Variants in VSTM5 observed in about 807,000 individuals in gnomAD.
The protein encoded by VSTM5 is V-set and transmembrane domain-containing protein 5.
VSTM5 carries 21 observed loss-of-function variants against 20.3 expected under a neutral mutation model. The ratio of observed to expected loss-of-function variants is 1.03; its 90% CI spans 0.73 to 1.49. VSTM5 has a LOEUF of 1.49. VSTM5 is among the 40% of genes most tolerant of loss of function. The pLI is 0.00. For missense variants in VSTM5, 219 were observed against 250.0 expected (o/e 0.88, Z 0.84); for synonymous variants, 100 against 102.5 (o/e 0.98, Z 0.14).
Position 93,850,439 on chromosome 11 carries a change from A to G in VSTM5, c.64T>C (p.Cys22Arg), listed in dbSNP as rs747394481. Residue 22 changes from cysteine to arginine, a missense_variant, in exon 1 of 4, where the codon TGC (cysteine) becomes CGC (arginine). By Grantham distance (180) the Cys-to-Arg change is radical. Coordinates refer to ENST00000409977, the MANE Select transcript of VSTM5 (RefSeq NM_001144871.2). ...TGCAGACAGCGGGCTGCGGCCAGGCAGAGGGCGAAGAGTCCTAGGGAGATG... is the reference window on the plus strand; with the variant it reads ...TGCAGACAGCGGGCTGCGGCCAGGCGGAGGGCGAAGAGTCCTAGGGAGATG... ...RGISLGLFALCLAAARCLQSQ... is the reference protein window; with the variant it reads ...RGISLGLFALRLAAARCLQSQ... 3 of 1,547,244 alleles carry G rather than the reference A, an allele frequency of 1.9e-6. No homozygotes were observed. Among genetic ancestry groups the G allele is most frequent in the Non-Finnish European group, 2.6e-6 (3 of 1,145,022 alleles).
At chr11:93,850,148 G>A (rs2135742868) in intron 1 of VSTM5, among the ~76,000 whole-genome samples, 1 of 152,270 alleles carries the variant, frequency 6.6e-6, no homozygotes, top group Admixed American at 6.5e-5. Context: ...CGGGTGGGGC[G>A]GGCGCCCCGA....
intron 1 of VSTM5, among the ~76,000 whole-genome samples, chr11:93,826,612 G>A (rs1001122621): frequency 1.3e-5 from 2 of 151,934 alleles, no homozygotes; most frequent in African/African-American, 2.4e-5. Context: ...TGTTAGCCAG[G>A]ATGGTCTCGA....
At chr11:93,829,039 T>C (rs687507) in intron 1 of VSTM5, among the ~76,000 whole-genome samples, 122,476 of 152,078 alleles carry the variant, frequency 0.81, 50,206 homozygotes, top group Admixed American at 0.9. Flanking sequence ...CATGTAAGGC[T>C]CAGCAACAGG....
At chr11:93,845,542 G>A (rs754227912) in intron 1 of VSTM5, among the ~76,000 whole-genome samples, 11 of 152,148 alleles carry the variant, frequency 7.2e-5, no homozygotes, top group Non-Finnish European at 8.8e-5. Context: ...TAGGAGGGGC[G>A]AGTCGTTTCC....
chr11:93,830,563 C>G (rs1944274035), intron 1 of VSTM5, among the ~76,000 whole-genome samples: 1 of 152,320 alleles, frequency 6.6e-6, no homozygotes, highest in South Asian at 2.1e-4. Flanking sequence ...CATGAATGAA[C>G]AAATGGTGAC....
In VSTM5 at chr11:93,821,150, T is replaced by C. The variant is rs1481395568; in HGVS notation, c.265A>G (p.Ile89Val). The change falls in exon 2 of 4, where the codon ATC becomes GTC. Residue 89 changes from isoleucine (I) to valine (V), a missense_variant. Physicochemically the swap from Ile to Val is conservative, Grantham distance 29. Coordinates refer to ENST00000409977, the MANE Select transcript of VSTM5 (RefSeq NM_001144871.2). ...ACTCTGTCCTTGTGGCTTTGAGAGA[T>C]GTTGGCCTGAGTCCCTGGTTTCCAC... ...VEWKPGTQANISQSHKDRVCT... is the reference protein window; with the variant it reads ...VEWKPGTQANVSQSHKDRVCT... 3.9e-6 allele frequency: 6 copies of C among 1,552,202 alleles called. No individual in the cohort carries two copies. Among genetic ancestry groups the C allele is most frequent in the East Asian group, 4.9e-5 (2 of 40,910 alleles).
chr11:93,832,839 A>G (rs1360010118), intron 1 of VSTM5, among the ~76,000 whole-genome samples: 2 of 152,214 alleles, frequency 1.3e-5, no homozygotes, highest in African/African-American at 4.8e-5. Flanking sequence ...CTGGAACCCA[A>G]GTCTCTTTTC....
At chr11:93,850,373 C>G in intron 1 of VSTM5, 39 bp downstream of exon 1, 1 of 1,494,516 alleles carries the variant, frequency 6.7e-7, no homozygotes, top group Non-Finnish European at 9.1e-7. Context: ...CCTACCCATT[C>G]CCGCTCCCCC....
At chr11:93,821,466 C>T (rs1388089520) in intron 1 of VSTM5, 143 bp from the exon 2 acceptor site, 11 of 792,188 alleles carry the variant, frequency 1.4e-5, no homozygotes, top group South Asian at 3.7e-5. Flanking sequence ...GGTGCTTAAG[C>T]GATAATGCTG....
chr11:93,820,931 A>G (rs1944177351), intron 2 of VSTM5, 48 bp from the exon 3 acceptor site: 2 of 1,550,910 alleles, frequency 1.3e-6, no homozygotes, highest in East Asian at 2.4e-5. Context: ...TTCTTTTAAT[A>G]TCGTGAAATT....
intron 1 of VSTM5, among the ~76,000 whole-genome samples, chr11:93,845,574 C>CA: frequency 6.6e-6 from 1 of 152,322 alleles, no homozygotes. Flanking sequence ...TGTCAATCCC[C>CA]ATCCCTCCCA....
rs185250953 is a variant in VSTM5 at position 93,847,686 on chromosome 11, G to C, written c.91+2726C>G. On this transcript the variant is annotated intron_variant, in intron 1 of 3. Transcript: ENST00000409977. ...GTGAGCCTGATGGCTAATGTACTGG[G>C]AAAGGACATGAACAAATGTTCTAGA... is the stretch of plus-strand genomic sequence containing the variant. Among the ~76,000 whole-genome samples, 3 of 152,342 alleles carry C rather than the reference G, an allele frequency of 2.0e-5. No homozygotes were observed. In the East Asian group the frequency reaches 5.8e-4, roughly 29 times the overall value.
chr11:93,847,374 C>T (rs942043999), intron 1 of VSTM5, among the ~76,000 whole-genome samples: 10 of 152,126 alleles, frequency 6.6e-5, no homozygotes, highest in African/African-American at 2.4e-4. Context: ...TCCCATCCGC[C>T]CCCACCTTCC....
chr11:93,836,898 AC>A (rs974789475), intron 1 of VSTM5, among the ~76,000 whole-genome samples: 2 of 151,900 alleles, frequency 1.3e-5, no homozygotes, highest in Non-Finnish European at 2.9e-5. Context: ...GGGGTACAGA[AC>A]CCAGGACTAT....
At chr11:93,848,835 T>G (rs1327385812) in intron 1 of VSTM5, among the ~76,000 whole-genome samples, 2 of 152,214 alleles carry the variant, frequency 1.3e-5, no homozygotes, top group Non-Finnish European at 2.9e-5. Context: ...AAATGGCTGG[T>G]CCCTGAGCAT....
intron 1 of VSTM5, among the ~76,000 whole-genome samples, chr11:93,829,841 G>A (rs1944267462): frequency 6.6e-6 from 1 of 152,198 alleles, no homozygotes; most frequent in African/African-American, 2.4e-5. Flanking sequence ...GTTCCCTGAG[G>A]TTAGGTAATT....
intron 1 of VSTM5, among the ~76,000 whole-genome samples, chr11:93,830,943 A>C (rs1944278289): frequency 6.6e-6 from 1 of 151,624 alleles, no homozygotes; most frequent in African/African-American, 2.4e-5. Flanking sequence ...TTTTTTGTAG[A>C]GATGGGGTTT....
At chr11:93,831,875 G>A (rs377166275) in intron 1 of VSTM5, among the ~76,000 whole-genome samples, 1 of 152,204 alleles carries the variant, frequency 6.6e-6, no homozygotes, top group African/African-American at 2.4e-5. Context: ...TTATCAGACT[G>A]GCAAAGATGA....
intron 1 of VSTM5, among the ~76,000 whole-genome samples, chr11:93,846,250 T>C (rs901775927): frequency 6.6e-6 from 1 of 151,812 alleles, no homozygotes; most frequent in Non-Finnish European, 1.5e-5. Context: ...ATAAGGGATA[T>C]AGCTGTCCTT....
Sources: allele counts gnomAD v4.1 joint callset (sites outside exome capture counted in the v4.1 genomes callset), GRCh38; gene constraint gnomAD v4.1.1; transcripts MANE v1.5; gene names NCBI Gene and HGNC (gene_info 2026-07-23, HGNC 2026-07-21).